Variants in MCUB observed in about 807,000 individuals in gnomAD.
MCUB encodes the protein mitochondrial calcium uniporter dominant negative subunit beta.
In MCUB, 46 loss-of-function variants were observed where a neutral mutation model predicts 41.4. The observed-to-expected ratio is 1.11, with a 90% confidence interval of 0.88 to 1.42. MCUB has a LOEUF of 1.42. Ranked by LOEUF, MCUB falls within the 40% of genes most tolerant of loss-of-function variation. MCUB has a pLI of 0.00. For synonymous variants in MCUB, 148 were observed against 148.2 expected (o/e 1.00, Z 0.01); for missense variants, 403 against 404.9 (o/e 1.00, Z 0.04).
At chr4:109,670,582 G>A (rs1729432202) in intron 4 of MCUB, among the ~76,000 whole-genome samples, 1 of 151,956 alleles carries the variant, frequency 6.6e-6, no homozygotes, top group Admixed American at 6.6e-5. Flanking sequence ...TGGGCATGGG[G>A]GCAGGTGCCT....
intron 1 of MCUB, among the ~76,000 whole-genome samples, chr4:109,570,697 T>C (rs1233995523): frequency 6.6e-6 from 1 of 152,250 alleles, no homozygotes; most frequent in Non-Finnish European, 1.5e-5. Context: ...CTAATACAGA[T>C]GTTATGCTAG....
chr4:109,643,078 C>A (rs990340048), intron 1 of MCUB, among the ~76,000 whole-genome samples: 1 of 151,770 alleles, frequency 6.6e-6, no homozygotes, highest in Non-Finnish European at 1.5e-5. Flanking sequence ...CAGACGTGAG[C>A]CACCGCACCC....
intron 1 of MCUB, among the ~76,000 whole-genome samples, chr4:109,566,816 G>A (rs138829149): frequency 1.8e-4 from 27 of 152,282 alleles, no homozygotes; most frequent in Non-Finnish European, 3.1e-4. Flanking sequence ...CGCATTGCTA[G>A]CTTAACACCA....
At chr4:109,612,846 C>T (rs1183771660) in intron 1 of MCUB, among the ~76,000 whole-genome samples, 3 of 152,174 alleles carry the variant, frequency 2.0e-5, no homozygotes, top group South Asian at 2.1e-4. Flanking sequence ...GTGTCTCACG[C>T]CTGTAATCCC....
intron 1 of MCUB, among the ~76,000 whole-genome samples, chr4:109,577,684 A>G (rs1727064988): frequency 1.3e-5 from 1 of 74,388 alleles, no homozygotes. Context: ...ATCTCGGCTC[A>G]CTGCAGGCTC....
At chr4:109,665,326 G>T (rs1729318674) in intron 4 of MCUB, among the ~76,000 whole-genome samples, 1 of 152,094 alleles carries the variant, frequency 6.6e-6, no homozygotes, top group African/African-American at 2.4e-5. Context: ...GATGTTTAAT[G>T]ATGTTTTTAT....
Position 109,560,308 on chromosome 4 carries a change from C to T in MCUB, c.-30C>T. 8.6e-7 allele frequency: 1 copy of T among 1,162,914 alleles called. No individual in the cohort carries two copies. The highest frequency in any genetic ancestry group is 1.1e-6 in the Non-Finnish European group (1 of 919,862). The allele number at this position is 1,162,914 out of a possible 1,614,324, so 72.0% of individuals were successfully genotyped here. A position where few individuals can be genotyped will look rare whatever the true frequency, so the allele number is the denominator to read the frequency against. The stretch of plus-strand genomic sequence containing the variant: ...CTGAGGGAGGATGCGCCGCTGACGC[C>T]TGCGGGAGCCGCGCGCCTGGGGCGG... On this transcript the variant is annotated 5_prime_UTR_variant, in exon 1 of 8. Coordinates refer to ENST00000394650, the MANE Select transcript of MCUB (RefSeq NM_017918.5).
chr4:109,677,211 A>G (rs765000816), intron 4 of MCUB, among the ~76,000 whole-genome samples: 5 of 151,794 alleles, frequency 3.3e-5, no homozygotes, highest in South Asian at 4.1e-4. Context: ...CTTTTTTCCT[A>G]TTTCTCCCTT....
intron 1 of MCUB, among the ~76,000 whole-genome samples, chr4:109,589,731 C>A (rs986029774): frequency 3.9e-5 from 6 of 152,098 alleles, no homozygotes; most frequent in Non-Finnish European, 7.4e-5. Flanking sequence ...CCAGTAGGAT[C>A]TATGAGAGGA....
At chr4:109,656,558 TAG>T (rs1729108488) in intron 1 of MCUB, among the ~76,000 whole-genome samples, 3 of 151,444 alleles carry the variant, frequency 2.0e-5, no homozygotes, top group Non-Finnish European at 4.4e-5. Context: ...GTAATTTTTG[TAG>T]AGACAGGGTT....
intron 1 of MCUB, among the ~76,000 whole-genome samples, chr4:109,617,248 G>A (rs1259926936): frequency 6.6e-6 from 1 of 152,174 alleles, no homozygotes; most frequent in African/African-American, 2.4e-5. Flanking sequence ...TCATTGGTTT[G>A]ACTTGTGGCA....
intron 1 of MCUB, among the ~76,000 whole-genome samples, chr4:109,582,661 C>T (rs1398459799): frequency 2.6e-5 from 4 of 150,996 alleles, no homozygotes; most frequent in Admixed American, 2.6e-4. Context: ...TGTCATGAAT[C>T]GTATTGCATA....
At chr4:109,596,597 G>T (rs981588789) in intron 1 of MCUB, among the ~76,000 whole-genome samples, 2 of 152,152 alleles carry the variant, frequency 1.3e-5, no homozygotes, top group Non-Finnish European at 2.9e-5. Flanking sequence ...GGAGGACCAT[G>T]ACGGTGCATC....
chr4:109,638,220 G>A (rs1310732369), intron 1 of MCUB, among the ~76,000 whole-genome samples: 1 of 152,092 alleles, frequency 6.6e-6, no homozygotes, highest in Admixed American at 6.5e-5. Flanking sequence ...AGCTGGACAT[G>A]GTGGCGCATG....
intron 1 of MCUB, among the ~76,000 whole-genome samples, chr4:109,584,456 G>T (rs185812964): frequency 3.9e-5 from 6 of 152,148 alleles, no homozygotes; most frequent in African/African-American, 1.2e-4. Flanking sequence ...GTCTCCTTCA[G>T]TTCTGCTCTG....
At chr4:109,665,799 T>C (rs891860377) in intron 4 of MCUB, among the ~76,000 whole-genome samples, 1 of 152,142 alleles carries the variant, frequency 6.6e-6, no homozygotes, top group African/African-American at 2.4e-5. Flanking sequence ...GATTCGCTTC[T>C]TTCTTTCTTT....
chr4:109,590,739 C>G (rs756717005), intron 1 of MCUB, among the ~76,000 whole-genome samples: 2 of 152,144 alleles, frequency 1.3e-5, no homozygotes, highest in African/African-American at 4.8e-5. Flanking sequence ...GAGGATTTAG[C>G]TCTTTTCACT....
intron 1 of MCUB, among the ~76,000 whole-genome samples, chr4:109,624,523 C>G (rs939943571): frequency 2.6e-5 from 4 of 152,146 alleles, no homozygotes; most frequent in African/African-American, 9.7e-5. Context: ...GAAACAGTAA[C>G]AAGATACTAG....
At chr4:109,563,877 G>A (rs909328827) in intron 1 of MCUB, among the ~76,000 whole-genome samples, 1 of 151,540 alleles carries the variant, frequency 6.6e-6, no homozygotes, top group African/African-American at 2.4e-5. Context: ...GTGAGCCACC[G>A]CGCCCAGCCC....
Sources: gnomAD v4.1 joint callset for allele counts (sites outside exome capture counted in the v4.1 genomes callset) on GRCh38, gnomAD v4.1.1 for gene constraint, MANE v1.5 for transcripts, NCBI Gene and HGNC (gene_info 2026-07-23, HGNC 2026-07-21) for gene names.